Variants in RAPGEF6 observed in about 807,000 individuals in gnomAD.
RAPGEF6 encodes Rap guanine nucleotide exchange factor 6, also known as PDZ domain containing guanine nucleotide exchange factor (GEF) 2.
RAPGEF6 carries 56 observed loss-of-function variants against 171.4 expected under a neutral mutation model. The observed-to-expected ratio is 0.33, with a 90% confidence interval of 0.26 to 0.41. The LOEUF is 0.41. Ranked by LOEUF, RAPGEF6 falls within the 10% of genes least tolerant of loss-of-function variation. The pLI, the probability that RAPGEF6 is intolerant of heterozygous loss-of-function variation, is 1.00. For missense variants in RAPGEF6, 1,674 were observed against 1,921.4 expected, an observed-to-expected ratio of 0.87 and a Z score of 2.41; for synonymous variants, 692 against 650.1, an observed-to-expected ratio of 1.06 and a Z score of -0.98.
At chr5:131,492,881 T>C (rs1323151467) in intron 13 of RAPGEF6, 96 bp from the exon 14 acceptor site, 8 of 1,208,636 alleles carry the variant, frequency 6.6e-6, no homozygotes, top group African/African-American at 1.5e-5. Context: ...GTTATAAATA[T>C]ACATGTATAA....
chr5:131,634,723 C>T (rs1231658452), intron 1 of RAPGEF6, among the ~76,000 whole-genome samples: 1 of 152,142 alleles, frequency 6.6e-6, no homozygotes, highest in Non-Finnish European at 1.5e-5. Flanking sequence ...GCTTTCTTAA[C>T]GACACTCAGA....
At chr5:131,531,039 A>T (rs574174615) in intron 6 of RAPGEF6, among the ~76,000 whole-genome samples, 9 of 152,174 alleles carry the variant, frequency 5.9e-5, no homozygotes, top group African/African-American at 2.2e-4. Flanking sequence ...ATCTATTTAC[A>T]TTTCAATCAG....
intron 1 of RAPGEF6, among the ~76,000 whole-genome samples, chr5:131,634,458 A>G (rs975627086): frequency 4.6e-5 from 7 of 152,238 alleles, no homozygotes; most frequent in Non-Finnish European, 7.3e-5. Flanking sequence ...GGTGTTCTTT[A>G]AACATGCATC....
chr5:131,560,755 A>G (rs1761547288), intron 5 of RAPGEF6, among the ~76,000 whole-genome samples: 1 of 152,238 alleles, frequency 6.6e-6, no homozygotes, highest in African/African-American at 2.4e-5. Context: ...CACAAGTGGA[A>G]TAAGACATAA....
intron 4 of RAPGEF6, among the ~76,000 whole-genome samples, chr5:131,591,386 A>T (rs983195534): frequency 6.6e-6 from 1 of 152,246 alleles, no homozygotes; most frequent in Non-Finnish European, 1.5e-5. Flanking sequence ...ATAATTAACA[A>T]TTACTTCTAA....
At chr5:131,513,656 T>A (rs1757886731) in intron 7 of RAPGEF6, among the ~76,000 whole-genome samples, 1 of 152,168 alleles carries the variant, frequency 6.6e-6, no homozygotes, top group South Asian at 2.1e-4. Flanking sequence ...CTAAAAGAAC[T>A]TTTTTAGGAA....
intron 5 of RAPGEF6, among the ~76,000 whole-genome samples, chr5:131,554,144 T>C (rs1285864245): frequency 2.6e-5 from 4 of 152,022 alleles, no homozygotes; most frequent in Non-Finnish European, 4.4e-5. Context: ...TGTAAAAAAA[T>C]AGAATGTATT....
At chr5:131,607,142 G>A (rs915992336) in intron 1 of RAPGEF6, among the ~76,000 whole-genome samples, 7 of 152,118 alleles carry the variant, frequency 4.6e-5, no homozygotes, top group African/African-American at 1.2e-4. Flanking sequence ...GGTAAAAGCC[G>A]TCACAATGGA....
intron 15 of RAPGEF6, among the ~76,000 whole-genome samples, chr5:131,481,174 C>T (rs1395602836): frequency 6.6e-6 from 1 of 151,866 alleles, no homozygotes; most frequent in Non-Finnish European, 1.5e-5. Flanking sequence ...ATCCACCTGC[C>T]TCGGCCTCCC....
chr5:131,581,507 T>C (rs1286153576), intron 4 of RAPGEF6, among the ~76,000 whole-genome samples: 1 of 152,058 alleles, frequency 6.6e-6, no homozygotes, highest in Non-Finnish European at 1.5e-5. Flanking sequence ...CTTTTAACTC[T>C]ACAATATCAC....
intron 4 of RAPGEF6, among the ~76,000 whole-genome samples, chr5:131,571,908 C>T (rs1475078530): frequency 1.3e-5 from 2 of 152,084 alleles, no homozygotes; most frequent in Non-Finnish European, 2.9e-5. Flanking sequence ...TGTAACATTC[C>T]TCCCCGCCCT....
At chr5:131,527,109 T>C (rs757410147) in intron 6 of RAPGEF6, among the ~76,000 whole-genome samples, 8 of 152,182 alleles carry the variant, frequency 5.3e-5, no homozygotes, top group Non-Finnish European at 7.4e-5. Context: ...TTAGACTAGA[T>C]TTTGTTACAA....
chr5:131,537,902 G>A (rs1243909365), intron 6 of RAPGEF6, among the ~76,000 whole-genome samples: 1 of 146,942 alleles, frequency 6.8e-6, no homozygotes, highest in African/African-American at 2.6e-5. Flanking sequence ...AGACCAACCT[G>A]AAAAACATGA....
At chr5:131,557,247 TAA>T (rs200767599) in intron 5 of RAPGEF6, among the ~76,000 whole-genome samples, 1 of 57,166 alleles carries the variant, frequency 1.7e-5, no homozygotes, top group Non-Finnish European at 4.1e-5. Flanking sequence ...TCAACTGATT[TAA>T]AAAGATCTAA....
intron 15 of RAPGEF6, among the ~76,000 whole-genome samples, chr5:131,483,877 GAT>G (rs1365760904): frequency 1.3e-5 from 2 of 151,952 alleles, no homozygotes; most frequent in African/African-American, 4.8e-5. Flanking sequence ...GAGGCAGGTG[GAT>G]CATGAGGTCA....
chr5:131,447,016 C>T, intron 21 of RAPGEF6: 1 of 251,886 alleles, frequency 4.0e-6, no homozygotes, highest in Middle Eastern at 1.4e-3. Context: ...TCCTCTGGTC[C>T]TGGAGGCCAC....
At chr5:131,542,275 G>A (rs1760202095) in intron 6 of RAPGEF6, among the ~76,000 whole-genome samples, 1 of 152,014 alleles carries the variant, frequency 6.6e-6, no homozygotes, top group South Asian at 2.1e-4. Flanking sequence ...AAGGTTTTTT[G>A]AATATTCACA....
chr5:131,553,262 T>C (rs145252103), intron 5 of RAPGEF6, among the ~76,000 whole-genome samples: 123 of 152,218 alleles, frequency 8.1e-4, no homozygotes, highest in South Asian at 6.4e-3. Flanking sequence ...CTAAACAAAT[T>C]TGAAACCACT....
At chr5:131,436,889 G>T (rs1483649110) in intron 24 of RAPGEF6, among the ~76,000 whole-genome samples, 1 of 152,104 alleles carries the variant, frequency 6.6e-6, no homozygotes, top group Non-Finnish European at 1.5e-5. Flanking sequence ...TTAAACACTA[G>T]GGTAGATAAT....
Sources: allele counts gnomAD v4.1 joint callset (sites outside exome capture counted in the v4.1 genomes callset), GRCh38; gene constraint gnomAD v4.1.1; transcripts MANE v1.5; gene names NCBI Gene and HGNC (gene_info 2026-07-23, HGNC 2026-07-21).